ERICH6: variants seen among roughly 807,000 people sequenced by gnomAD.
The protein encoded by ERICH6 is glutamate-rich protein 6.
ERICH6 carries 71 observed loss-of-function variants against 71.0 expected under a neutral mutation model. That is an observed-to-expected ratio of 1.00 (90% confidence interval 0.83 to 1.22). The LOEUF (loss-of-function observed/expected upper bound fraction) is 1.22. Ranked by LOEUF, ERICH6 falls within the 50% of genes most tolerant of loss-of-function variation. The pLI is 0.00. For synonymous variants in ERICH6, 262 were observed against 278.4 expected, an observed-to-expected ratio of 0.94 and a Z score of 0.59; for missense variants, 808 against 797.2, an observed-to-expected ratio of 1.01 and a Z score of -0.16.
At chr3:150,660,528 A>T (rs1727182096) in intron 13 of ERICH6, among the ~76,000 whole-genome samples, 2 of 152,170 alleles carry the variant, frequency 1.3e-5, no homozygotes, top group African/African-American at 4.8e-5. Context: ...GAAGGCACTG[A>T]GAAGGGCAAT....
intron 11 of ERICH6, among the ~76,000 whole-genome samples, chr3:150,672,320 G>A (rs570042729): frequency 4.0e-4 from 54 of 135,262 alleles, no homozygotes; most frequent in Non-Finnish European, 7.2e-4. Context: ...CCCATAGGCC[G>A]GGTGTGGTGG....
Position 150,680,860 on chromosome 3 carries a change from G to A in ERICH6, c.953C>T (p.Pro318Leu), listed in dbSNP as rs772844415. ...GTCAATAGCAATTAATTCAGCTTTA[G>A]GGGGTTTGGTTTTTATTTGCTCCTC... ...IYEEQIKTKP[P>L]KAELIAIDPH... The change falls in exon 8 of 14, where the codon CCT becomes CTT. Residue 318 changes from proline (P) to leucine (L), a missense_variant. Pro to Leu is a moderately conservative substitution (Grantham distance 98, BLOSUM62 -3). Coordinates refer to ENST00000295910, the MANE Select transcript of ERICH6 (RefSeq NM_152394.5). 6.2e-7 allele frequency: 1 copy of A among 1,614,016 alleles called. No homozygotes were observed. Among genetic ancestry groups the A allele is most frequent in the Non-Finnish European group, 8.5e-7 (1 of 1,180,006 alleles).
chr3:150,679,846 T>A (rs987640066), intron 9 of ERICH6, among the ~76,000 whole-genome samples: 2 of 152,088 alleles, frequency 1.3e-5, no homozygotes, highest in African/African-American at 4.8e-5. Flanking sequence ...TTAGTAGAGA[T>A]GGGGTTTCAC....
chr3:150,665,665 A>G (rs1193539154), intron 13 of ERICH6, among the ~76,000 whole-genome samples: 1 of 151,320 alleles, frequency 6.6e-6, no homozygotes, highest in African/African-American at 2.4e-5. Context: ...TGTCTCTACT[A>G]AAAATACAAA....
intron 13 of ERICH6, among the ~76,000 whole-genome samples, chr3:150,662,871 A>G (rs575917280): frequency 6.6e-6 from 1 of 152,342 alleles, no homozygotes; most frequent in Admixed American, 6.5e-5. Flanking sequence ...AAATGGGGAT[A>G]AAACATTTTA....
At chr3:150,690,902 G>GATTACCAT (rs1237231446) in intron 3 of ERICH6, among the ~76,000 whole-genome samples, 5 of 152,166 alleles carry the variant, frequency 3.3e-5, no homozygotes, top group Non-Finnish European at 7.4e-5. Flanking sequence ...AATTTAGTAA[G>GATTACCAT]ATTACCATAA....
intron 13 of ERICH6, among the ~76,000 whole-genome samples, chr3:150,664,685 T>C (rs1727344573): frequency 6.6e-6 from 1 of 151,844 alleles, no homozygotes; most frequent in Non-Finnish European, 1.5e-5. Flanking sequence ...TATAAATACA[T>C]AGTAAGAAGG....
chr3:150,685,605 G>A, intron 6 of ERICH6, 137 bp downstream of exon 6: 1 of 723,246 alleles, frequency 1.4e-6, no homozygotes. Context: ...CACTCTAAGT[G>A]CTATTCTAAG....
chr3:150,680,508 A>C lies in ERICH6; in HGVS notation c.1071T>G (p.Phe357Leu). The C allele has an allele frequency of 6.2e-7, 1 of 1,614,216 alleles. No homozygotes were observed. The change falls in exon 9 of 14, where the codon TTT (phenylalanine) becomes TTG (leucine). Residue 357 changes from phenylalanine (F) to leucine (L), a missense_variant. Phe to Leu is a conservative substitution (Grantham distance 22). This residue lies in a region of ERICH6 where 736 missense variants were observed against 712.2 expected (regional missense o/e 1.03). Transcript: ENST00000295910. ...RKQEQRMARH[F>L]AIISREQTHF... ...GAGTCTGTTCCCTTGATATTATTGC[A>C]AAATGTCTGGCCATTCGTTGCTCCT...
intron 8 of ERICH6, 69 bp from the exon 9 acceptor site, chr3:150,680,607 A>G: frequency 6.3e-7 from 1 of 1,590,204 alleles, no homozygotes; most frequent in African/African-American, 1.3e-5. Context: ...CTACTACAAA[A>G]TTCAGCTGCT....
At chr3:150,662,674 G>C (rs1478274367) in intron 13 of ERICH6, among the ~76,000 whole-genome samples, 1 of 151,686 alleles carries the variant, frequency 6.6e-6, no homozygotes, top group Non-Finnish European at 1.5e-5. Flanking sequence ...AGTCAAAATG[G>C]GTATTCTAAA....
intron 13 of ERICH6, among the ~76,000 whole-genome samples, chr3:150,664,024 G>A (rs1362566412): frequency 6.6e-6 from 1 of 152,014 alleles, no homozygotes; most frequent in Non-Finnish European, 1.5e-5. Context: ...CAAGCTCTGG[G>A]TTCCTCCAAT....
At chr3:150,691,884 G>A (rs924891699) in intron 3 of ERICH6, among the ~76,000 whole-genome samples, 5 of 152,032 alleles carry the variant, frequency 3.3e-5, no homozygotes, top group Admixed American at 2.0e-4. Context: ...CTTCAGGCCT[G>A]GTAGAAGATG....
At chr3:150,691,918 C>T (rs890940469) in intron 3 of ERICH6, among the ~76,000 whole-genome samples, 1 of 151,976 alleles carries the variant, frequency 6.6e-6, no homozygotes, top group Admixed American at 6.6e-5. Context: ...ACTGCATTCC[C>T]GAGACACAGG....
chr3:150,666,696 A>T, intron 13 of ERICH6, 91 bp downstream of exon 13: 1 of 1,060,518 alleles, frequency 9.4e-7, no homozygotes, highest in Non-Finnish European at 1.4e-6. Flanking sequence ...ATTATGCACT[A>T]GTGTAATCTA....
intron 1 of ERICH6, 151 bp downstream of exon 1, chr3:150,703,345 G>T (rs1713011174): frequency 2.1e-6 from 3 of 1,396,692 alleles, no homozygotes; most frequent in African/African-American, 2.9e-5. Context: ...TCTGACAAGG[G>T]CGTGAGAGAG....
chr3:150,689,438 G>T (rs1352249304), intron 3 of ERICH6, among the ~76,000 whole-genome samples: 1 of 152,044 alleles, frequency 6.6e-6, no homozygotes, highest in Non-Finnish European at 1.5e-5. Flanking sequence ...CCTAAATCAA[G>T]CCCTTTCTGG....
Position 150,680,880 on chromosome 3 carries a change from C to G in ERICH6, c.933G>C (p.Glu311Asp), listed in dbSNP as rs373206648. Reference protein sequence around the residue: ...FQNLIDYIYEEQIKTKPPKAE... With the variant: ...FQNLIDYIYEDQIKTKPPKAE... ...CTTTAGGGGGTTTGGTTTTTATTTG[C>G]TCCTCATAGATATAGTCAATCAGAT... is the stretch of plus-strand genomic sequence containing the variant. The change falls in exon 8 of 14, where the codon GAG becomes GAC. Residue 311 changes from glutamate to aspartate, a missense_variant. Physicochemically the swap from Glu to Asp is conservative, Grantham distance 45. Around this residue, in one of 3 missense-constraint regions of ERICH6, gnomAD observed 736 missense variants for 712.2 expected, o/e 1.03. Transcript: ENST00000295910. 2.5e-6 allele frequency: 4 copies of G among 1,613,672 alleles called. No individual in the cohort carries two copies. In the African/African-American group the frequency reaches 5.3e-5, roughly 22 times the overall value.
intron 6 of ERICH6, among the ~76,000 whole-genome samples, chr3:150,683,250 A>T (rs1466735757): frequency 6.6e-6 from 1 of 152,252 alleles, no homozygotes; most frequent in East Asian, 1.9e-4. Context: ...AGTACTGCAC[A>T]TTGCTAAAAG....
Sources: allele counts gnomAD v4.1 joint callset (sites outside exome capture counted in the v4.1 genomes callset), GRCh38; gene constraint gnomAD v4.1.1; regional missense constraint gnomAD v4.1.1; transcripts MANE v1.5; gene names NCBI Gene and HGNC (gene_info 2026-07-23, HGNC 2026-07-21).